ZFR2: variants seen among roughly 807,000 people sequenced by gnomAD.
ZFR2 encodes the protein zinc finger RNA binding protein 2.
ZFR2 carries 104 observed loss-of-function variants against 105.7 expected under a neutral mutation model. The observed-to-expected ratio is 0.98, with a 90% confidence interval of 0.84 to 1.16. ZFR2 has a LOEUF of 1.16. Ranked by LOEUF, ZFR2 falls within the 50% of genes most tolerant of loss-of-function variation. The pLI is 0.00. For synonymous variants in ZFR2, 634 were observed against 597.7 expected, an observed-to-expected ratio of 1.06 and a Z score of -0.89; for missense variants, 1,425 against 1,355.5, an observed-to-expected ratio of 1.05 and a Z score of -0.80.
chr19:3,822,479 G>A (rs1380738480), intron 8 of ZFR2, among the ~76,000 whole-genome samples: 1 of 151,870 alleles, frequency 6.6e-6, no homozygotes, highest in Admixed American at 6.6e-5. Flanking sequence ...TGGGAGGCTG[G>A]AGGATTGCTT....
intron 1 of ZFR2, among the ~76,000 whole-genome samples, chr19:3,839,536 CAAAAAAAAAAAAAAAAAAAA>C (rs60712587): frequency 6.8e-4 from 25 of 36,588 alleles, no homozygotes; most frequent in South Asian, 1.9e-3. Context: ...GGGATTCTGT[CAAAAAAAAAAAAAAAAAAAA>C]AAAAAAAAAA....
In ZFR2 at chr19:3,837,397, C is replaced by T. The variant is rs376326335; in HGVS notation, c.54-2414G>A. On this transcript the variant is annotated intron_variant, in intron 1 of 18. Transcript: ENST00000262961. ...CGATGAACACCATGACTGTGACACT[C>T]GATGAACACCGTGACTGTGGAACTT... 5.9e-5 allele frequency among the ~76,000 whole-genome samples: 9 copies of T among 151,958 alleles called. No homozygotes were observed. In the East Asian group the frequency reaches 9.7e-4, roughly 16 times the overall value.
rs149203610 is a variant in ZFR2, at chr19:3,806,953, G to A, written c.2643+219C>T. 9.9e-4 allele frequency among the ~76,000 whole-genome samples: 151 copies of A among 152,324 alleles called. 1 individual carries two copies. The highest frequency in any genetic ancestry group is 9.7e-4 in the Non-Finnish European group (66 of 68,030). On this transcript the variant is annotated intron_variant, in intron 18 of 18. Transcript: ENST00000262961. Reference sequence around the variant, plus strand: ...GACCTGAGGTCTGGGCGTCATTAACGGTGGTGGCTTTGGCTCTCAGCTGCT... The same window carrying A: ...GACCTGAGGTCTGGGCGTCATTAACAGTGGTGGCTTTGGCTCTCAGCTGCT...
intron 1 of ZFR2, among the ~76,000 whole-genome samples, chr19:3,847,329 G>A (rs900628102): frequency 2.6e-5 from 4 of 151,962 alleles, no homozygotes; most frequent in Non-Finnish European, 5.9e-5. Flanking sequence ...TTCTAGACTA[G>A]CCTGGCCAAC....
At position 3,821,372 on chromosome 19, in the gene ZFR2, C is replaced by T. The variant is rs1193860266; in HGVS notation, c.1599G>A (p.Leu533=). Residue 533 remains leucine, a synonymous_variant, in exon 10 of 19, where the codon CTG becomes CTA. Transcript: ENST00000262961. ...RKQRHLAEER[L]EQLRRWHAER... ...CCGCGTGCCAGCGCCGCAGCTGCTC[C>T]AGCCGCTCCTCCGCCAGGTGCCGCT... The T allele has an allele frequency of 6.8e-6, 11 of 1,607,948 alleles. No individual in the cohort carries two copies. The highest frequency in any genetic ancestry group is 9.3e-6 in the Non-Finnish European group (11 of 1,178,150).
At chr19:3,833,583 A>C in intron 3 of ZFR2, 81 bp downstream of exon 3, 1 of 1,208,740 alleles carries the variant, frequency 8.3e-7, no homozygotes, top group Non-Finnish European at 1.1e-6. Context: ...CTAAAAAAAA[A>C]AAAAAGTAAG....
At chr19:3,846,225 C>A (rs2038183422) in intron 1 of ZFR2, among the ~76,000 whole-genome samples, 1 of 152,252 alleles carries the variant, frequency 6.6e-6, no homozygotes, top group Admixed American at 6.5e-5. Flanking sequence ...GATCCACCCG[C>A]CTCAGCCTCC....
At position 3,813,268 on chromosome 19, in the gene ZFR2, G is replaced by C. The variant is rs1433765967; in HGVS notation, c.2242+552C>G. Reference sequence around the variant, plus strand: ...CTTCGGGAGCACAGACGTGCAGTGTGTTACTGATGCCTGTCTTCGCTGTGG... The same window carrying C: ...CTTCGGGAGCACAGACGTGCAGTGTCTTACTGATGCCTGTCTTCGCTGTGG... On this transcript the variant is annotated intron_variant, in intron 14 of 18. Transcript: ENST00000262961. This position sits in a 1 kb window ranked among gnomAD's most constrained non-coding sequence, Gnocchi z 4.4. Among the ~76,000 whole-genome samples the C allele has an allele frequency of 2.6e-5, 4 of 152,370 alleles. No individual in the cohort carries two copies. In the East Asian group the frequency reaches 7.7e-4, roughly 29 times the overall value.
At chr19:3,806,653 GC>G (rs199766840) in intron 18 of ZFR2, among the ~76,000 whole-genome samples, 4 of 152,040 alleles carry the variant, frequency 2.6e-5, no homozygotes, top group African/African-American at 9.7e-5. Context: ...GTCCCAGGAG[GC>G]CCCCCCGCTC....
In ZFR2 at chr19:3,812,625, C is replaced by A. The variant is rs543405845; in HGVS notation, c.2242+1195G>T. ...CCACAACCGCGCCACTCCCCAGCCT[C>A]CTCCGCATTTGTGTCACAGCCTTCA... On this transcript the variant is annotated intron_variant, in intron 14 of 18. Coordinates refer to ENST00000262961, the MANE Select transcript of ZFR2 (RefSeq NM_015174.2). Among the ~76,000 whole-genome samples the A allele has an allele frequency of 1.7e-4, 26 of 152,232 alleles. 1 individual carries two copies. Among genetic ancestry groups the A allele is most frequent in the African/African-American group, 6.3e-4 (26 of 41,540 alleles).
rs1319082699 is a variant in ZFR2 at position 3,806,051 on chromosome 19, C to T, written c.2718G>A (p.Arg906=). Reference sequence around the variant, plus strand: ...GCCTCTTCCGGAAGCGGGCCCCCAGCCGGTGTCTGGGCGGCAGGAGATCCA... The same window carrying T: ...GCCTCTTCCGGAAGCGGGCCCCCAGTCGGTGTCTGGGCGGCAGGAGATCCA... The part of the protein sequence containing the change: ...LGMDLLPPRH[R]LGARFRKRQR... The change falls in exon 19 of 19, where the codon CGG becomes CGA. Residue 906 remains arginine (R), a synonymous_variant. Coordinates refer to ENST00000262961, the MANE Select transcript of ZFR2 (RefSeq NM_015174.2). The T allele has an allele frequency of 5.2e-6, 8 of 1,536,334 alleles. No homozygotes were observed. The highest frequency in any genetic ancestry group is 7.0e-6 in the Non-Finnish European group (8 of 1,142,188).
chr19:3,822,814 G>A (rs888483222), intron 8 of ZFR2, among the ~76,000 whole-genome samples: 2 of 152,208 alleles, frequency 1.3e-5, no homozygotes, highest in Non-Finnish European at 2.9e-5. Context: ...CGCTGGCCTG[G>A]GAGCTGGCAG....
At chr19:3,825,452 C>G in intron 6 of ZFR2, 45 bp from the exon 7 acceptor site, 1 of 1,521,576 alleles carries the variant, frequency 6.6e-7, no homozygotes, top group Non-Finnish European at 8.8e-7. Flanking sequence ...CCGCTCCCAG[C>G]CTGATGGCCT....
At position 3,831,363 on chromosome 19, in the gene ZFR2, C is replaced by G; in HGVS notation, c.792G>C (p.Gly264=). The G allele has an allele frequency of 1.3e-6, 2 of 1,556,862 alleles. No individual in the cohort carries two copies. Among genetic ancestry groups the G allele is most frequent in the Non-Finnish European group, 1.7e-6 (2 of 1,152,394 alleles). The part of the protein sequence containing the change: ...LPSKLPRPKA[G]PRQLQLHYCD... ...AGTAGTGAAGCTGGAGCTGCCTGGGCCCCGCCTTGGGTCTCGGCAGCTTGC... is the reference window on the plus strand; with the variant it reads ...AGTAGTGAAGCTGGAGCTGCCTGGGGCCCGCCTTGGGTCTCGGCAGCTTGC... Residue 264 remains glycine, a synonymous_variant, in exon 5 of 19, where the codon GGG becomes GGC. Coordinates refer to ENST00000262961, the MANE Select transcript of ZFR2 (RefSeq NM_015174.2).
chr19:3,848,895 G>A (rs1458535231), intron 1 of ZFR2, among the ~76,000 whole-genome samples: 1 of 151,184 alleles, frequency 6.6e-6, no homozygotes, highest in Non-Finnish European at 1.5e-5. Flanking sequence ...TCAGGAGGCT[G>A]AGGCAGGAGA....
At chr19:3,837,178 C>A (rs969518908) in intron 1 of ZFR2, among the ~76,000 whole-genome samples, 3 of 152,230 alleles carry the variant, frequency 2.0e-5, no homozygotes, top group African/African-American at 7.2e-5. Context: ...CACTCTGTCA[C>A]CCAGGTTGGA....
Position 3,838,960 on chromosome 19 carries a change from C to T in ZFR2, c.54-3977G>A, listed in dbSNP as rs749295054. ...GAGGTCAGGCACATGTGCTGAACGG[C>T]GCTTGTGTTGGGGAGGGCTCTGTCA... On this transcript the variant is annotated intron_variant, in intron 1 of 18. Coordinates refer to ENST00000262961, the MANE Select transcript of ZFR2 (RefSeq NM_015174.2). The surrounding 1 kb of genome is among the most constrained non-coding windows in gnomAD (Gnocchi z 4.9). Among the ~76,000 whole-genome samples the T allele has an allele frequency of 6.6e-6, 1 of 152,092 alleles. No homozygotes were observed. The highest frequency in any genetic ancestry group is 2.4e-5 in the African/African-American group (1 of 41,418).
At chr19:3,863,275 C>T (rs2038392935) in intron 1 of ZFR2, among the ~76,000 whole-genome samples, 1 of 152,180 alleles carries the variant, frequency 6.6e-6, no homozygotes, top group South Asian at 2.1e-4. Context: ...GCTGCCGAGC[C>T]TGTTCTCATG....
intron 1 of ZFR2, among the ~76,000 whole-genome samples, chr19:3,845,132 C>A (rs779372915): frequency 6.6e-6 from 1 of 152,154 alleles, no homozygotes; most frequent in Non-Finnish European, 1.5e-5. Flanking sequence ...TCCCTCTGTG[C>A]GTGTCTGTGT....
Sources: gnomAD v4.1 joint callset for allele counts (sites outside exome capture counted in the v4.1 genomes callset) on GRCh38, gnomAD v4.1.1 for gene constraint, Gnocchi (gnomAD v3.1) non-coding constraint, MANE v1.5 for transcripts, NCBI Gene and HGNC (gene_info 2026-07-23, HGNC 2026-07-21) for gene names.